Variants in CLIP2 observed in about 807,000 individuals in gnomAD.
CLIP2 encodes CAP-Gly domain-containing linker protein 2.
A neutral mutation model predicts 111.7 loss-of-function variants in CLIP2; 41 were observed. The observed-to-expected ratio is 0.37, with a 90% CI of 0.29 to 0.48. CLIP2 has a LOEUF of 0.48. Among genes scored for constraint, CLIP2 ranks in the 20% least tolerant of loss-of-function variants. CLIP2 has a pLI of 0.99. For missense variants in CLIP2, 1,160 were observed against 1,422.1 expected, an observed-to-expected ratio of 0.82 and a Z score of 2.96; for synonymous variants, 660 against 644.2, an observed-to-expected ratio of 1.02 and a Z score of -0.37.
intron 2 of CLIP2, among the ~76,000 whole-genome samples, chr7:74,324,332 T>G (rs1554730413): frequency 6.6e-6 from 1 of 152,164 alleles, no homozygotes; most frequent in African/African-American, 2.4e-5. Flanking sequence ...TTCTACTTTT[T>G]CTCATCTTAT....
At chr7:74,388,096 G>A (rs1554315137) in intron 12 of CLIP2, among the ~76,000 whole-genome samples, 1 of 152,044 alleles carries the variant, frequency 6.6e-6, no homozygotes, top group African/African-American at 2.4e-5. Context: ...TTGGGAGGCC[G>A]AAGCGGGTAG....
At chr7:74,364,723 A>G (rs1219892487) in intron 8 of CLIP2, 6 of 355,564 alleles carry the variant, frequency 1.7e-5, no homozygotes, top group African/African-American at 1.3e-4. Context: ...AGGAAAACTG[A>G]GGCTCAGAGA....
In CLIP2 at chr7:74,389,149, C is replaced by T; in HGVS notation, c.2610C>T (p.Leu870=). The T allele has an allele frequency of 6.2e-7, 1 of 1,613,664 alleles. No homozygotes were observed. The highest frequency in any genetic ancestry group is 8.5e-7 in the Non-Finnish European group (1 of 1,179,900). Residue 870 remains leucine, a synonymous_variant, in exon 13 of 17, where the codon CTC becomes CTT. Transcript: ENST00000223398. ...CAGGCGAGAAGAAGGTGGACGCCCT[C>T]CTGAAGGAGAAGCGGCGCCTGGAGG... ...CKSGEKKVDA[L]LKEKRRLEAE...
chr7:74,297,663 C>T (rs191294269), intron 1 of CLIP2, among the ~76,000 whole-genome samples: 1 of 152,162 alleles, frequency 6.6e-6, no homozygotes, highest in East Asian at 1.9e-4. Context: ...CTTTCCAGCA[C>T]GACCTGTCAG....
At position 74,404,132 on chromosome 7, in the gene CLIP2, G is replaced by C. The variant is rs1791700866; in HGVS notation, c.*284G>C. On this transcript the variant is annotated 3_prime_UTR_variant, in exon 17 of 17. Coordinates refer to ENST00000223398, the MANE Select transcript of CLIP2 (RefSeq NM_003388.5). ...CGGCAGCTTCTGGAGTTTGTCAGTG[G>C]AGGCAGAGGGGATCCGGCCAGGCCC... 2.2e-6 allele frequency: 1 copy of C among 460,480 alleles called. No individual in the cohort carries two copies. The highest frequency in any genetic ancestry group is 2.2e-5 in the South Asian group (1 of 44,496). The allele number at this position is 460,480 out of a possible 1,614,324, so 28.5% of individuals were successfully genotyped here.
At chr7:74,391,185 C>T (rs1250823884) in intron 13 of CLIP2, among the ~76,000 whole-genome samples, 1 of 152,128 alleles carries the variant, frequency 6.6e-6, no homozygotes, top group Non-Finnish European at 1.5e-5. Flanking sequence ...CATGTTCCAT[C>T]TTTGCAATTT....
intron 13 of CLIP2, among the ~76,000 whole-genome samples, chr7:74,394,434 T>A (rs797030758): frequency 6.6e-6 from 1 of 151,754 alleles, no homozygotes; most frequent in African/African-American, 2.4e-5. Context: ...ATTTTTAGTA[T>A]AGATAGGGTT....
At chr7:74,354,111 G>T in intron 4 of CLIP2, 107 bp downstream of exon 4, 1 of 1,339,230 alleles carries the variant, frequency 7.5e-7, no homozygotes, top group Non-Finnish European at 1.0e-6. Flanking sequence ...AGCATGTAGT[G>T]TCAGACACCA....
intron 14 of CLIP2, among the ~76,000 whole-genome samples, chr7:74,397,666 G>GTTTT (rs71094782): frequency 2.4e-5 from 1 of 42,024 alleles, no homozygotes; most frequent in Non-Finnish European, 4.5e-5. Flanking sequence ...AGTTTTTTTT[G>GTTTT]TTTTTTTTTT....
At chr7:74,351,280 G>A (rs957749432) in intron 3 of CLIP2, among the ~76,000 whole-genome samples, 6 of 151,722 alleles carry the variant, frequency 4.0e-5, no homozygotes, top group Admixed American at 2.6e-4. Flanking sequence ...TGGGCAATGT[G>A]ACGAAACCCC....
At position 74,404,146 on chromosome 7, in the gene CLIP2, C is replaced by T. The variant is rs951469794; in HGVS notation, c.*298C>T. 8.1e-5 allele frequency: 35 copies of T among 431,758 alleles called. No individual in the cohort carries two copies. The highest frequency in any genetic ancestry group is 7.1e-4 in the Middle Eastern group (1 of 1,414). The allele number at this position is 431,758 out of a possible 1,614,324, so 26.7% of individuals were successfully genotyped here. A position where few individuals can be genotyped will look rare whatever the true frequency, so the allele number is the denominator to read the frequency against. On this transcript the variant is annotated 3_prime_UTR_variant, in exon 17 of 17. Coordinates refer to ENST00000223398, the MANE Select transcript of CLIP2 (RefSeq NM_003388.5). ...GTTTGTCAGTGGAGGCAGAGGGGAT[C>T]CGGCCAGGCCCCTCTGTCCAGAAGG... is the stretch of plus-strand genomic sequence containing the variant.
chr7:74,402,034 C>T (rs556573895), intron 16 of CLIP2, among the ~76,000 whole-genome samples: 3 of 148,508 alleles, frequency 2.0e-5, no homozygotes, highest in African/African-American at 5.0e-5. Context: ...AGGCCGAGGC[C>T]GGTGGGTCAC....
chr7:74,372,412 G>T (rs1431147290), intron 8 of CLIP2, among the ~76,000 whole-genome samples: 2 of 146,642 alleles, frequency 1.4e-5, no homozygotes, highest in East Asian at 2.0e-4. Flanking sequence ...TGGGGGGGGG[G>T]GGGAGTCGAG....
chr7:74,393,105 A>G (rs1250501584), intron 13 of CLIP2, among the ~76,000 whole-genome samples: 2 of 142,206 alleles, frequency 1.4e-5, no homozygotes, highest in Non-Finnish European at 3.0e-5. Context: ...GCGCGATCTC[A>G]GGTCACTGCA....
intron 10 of CLIP2, among the ~76,000 whole-genome samples, chr7:74,377,859 C>G (rs1291679183): frequency 6.7e-6 from 1 of 150,000 alleles, no homozygotes; most frequent in Admixed American, 6.6e-5. Context: ...GAGTTTTGCT[C>G]TTGTTGCCCA....
At chr7:74,342,859 C>A (rs1562698875) in intron 3 of CLIP2, among the ~76,000 whole-genome samples, 1 of 151,980 alleles carries the variant, frequency 6.6e-6, no homozygotes, top group Non-Finnish European at 1.5e-5. Flanking sequence ...CATGGTGAAA[C>A]CCCGTCTCTA....
chr7:74,351,426 CAAAAAAAAAAAAAA>C (rs55952428), intron 3 of CLIP2, among the ~76,000 whole-genome samples: 1 of 65,938 alleles, frequency 1.5e-5, no homozygotes, highest in African/African-American at 4.7e-5. Context: ...ATTCCAGTGT[CAAAAAAAAAAAAAA>C]AAAAAAAAGA....
chr7:74,358,353 G>C (rs1242140898), intron 6 of CLIP2, among the ~76,000 whole-genome samples: 1 of 151,688 alleles, frequency 6.6e-6, no homozygotes, highest in Non-Finnish European at 1.5e-5. Context: ...GCCCAGCCCT[G>C]CTTTTTTATT....
intron 13 of CLIP2, among the ~76,000 whole-genome samples, 169 bp from the exon 14 acceptor site, chr7:74,396,905 G>A (rs1225692967): frequency 6.6e-6 from 1 of 151,472 alleles, no homozygotes; most frequent in Middle Eastern, 3.2e-3. Flanking sequence ...GCCCCTCTTG[G>A]GCTTTGGTTG....
Sources: allele counts gnomAD v4.1 joint callset (sites outside exome capture counted in the v4.1 genomes callset), GRCh38; gene constraint gnomAD v4.1.1; transcripts MANE v1.5; gene names NCBI Gene and HGNC (gene_info 2026-07-23, HGNC 2026-07-21).